The following ZNF512B variants were observed in gnomAD, a reference collection of about 807,000 sequenced individuals.
ZNF512B encodes zinc finger protein 512B.
Under a neutral mutation model 87.8 loss-of-function variants are expected in ZNF512B, and 22 were observed. The ratio of observed to expected loss-of-function variants is 0.25; its 90% CI spans 0.18 to 0.36. The LOEUF (loss-of-function observed/expected upper bound fraction) is 0.36, where lower values mean the gene tolerates loss of function less well. ZNF512B is among the 10% of genes least tolerant of loss of function. ZNF512B has a pLI of 1.00. For missense variants in ZNF512B, 1,060 were observed against 1,231.6 expected (o/e 0.86, Z 2.09); for synonymous variants, 524 against 490.9 (o/e 1.07, Z -0.89).
intron 2 of ZNF512B, 109 bp from the exon 3 acceptor site, chr20:63,967,632 G>A: frequency 6.7e-7 from 1 of 1,491,392 alleles, no homozygotes. Context: ...GGCACCGGGG[G>A]CAGGGGCTGC....
rs752349298 is a variant in ZNF512B, at chr20:63,964,571, T to C, written c.1180A>G (p.Arg394Gly). ...AGTGCCTCCATGCCCCCTGACGGCC[T>C]GCTGCCTGGCGACAAGGAGCCACTG... ...TSSGSLSPGSRPSGGMEALKA... is the reference protein window; with the variant it reads ...TSSGSLSPGSGPSGGMEALKA... The change falls in exon 6 of 17, where the codon AGG (arginine) becomes GGG (glycine). Residue 394 changes from arginine (R) to glycine (G), a missense_variant. Transcript: ENST00000369888. The C allele has an allele frequency of 6.2e-7, 1 of 1,613,160 alleles. No homozygotes were observed. Among genetic ancestry groups the C allele is most frequent in the Non-Finnish European group, 8.5e-7 (1 of 1,179,958 alleles).
chr20:63,963,197 G>A lies in ZNF512B; in HGVS notation c.1866C>T (p.Pro622=). ...GGAAGGAGGGGCTGTCCACCTCGCA[G>A]GGCGGCTTCCCGCAGCGCCGCTGGT... ...QYHQRRCGKP[P]CEVDSPSFPC... The change falls in exon 12 of 17, where the codon CCC becomes CCT. Residue 622 remains proline (P), a synonymous_variant. Coordinates refer to ENST00000369888, the MANE Select transcript of ZNF512B (RefSeq NM_020713.3). 1.3e-6 allele frequency: 2 copies of A among 1,547,482 alleles called. No individual in the cohort carries two copies. Among genetic ancestry groups the A allele is most frequent in the Non-Finnish European group, 1.7e-6 (2 of 1,150,784 alleles).
At chr20:63,962,844 C>T (rs117474325) in intron 12 of ZNF512B, 63 bp from the exon 13 acceptor site, 17 of 1,468,454 alleles carry the variant, frequency 1.2e-5, no homozygotes, top group South Asian at 2.7e-5. Context: ...GGTCAGCGCG[C>T]GGCGAGGCCA....
At chr20:63,963,534 A>G in intron 10 of ZNF512B, 84 bp downstream of exon 10, 1 of 1,595,550 alleles carries the variant, frequency 6.3e-7, no homozygotes, top group Non-Finnish European at 8.5e-7. Flanking sequence ...CCGTTGTCCG[A>G]GGTTAGAAAC....
At position 63,963,095 on chromosome 20, in the gene ZNF512B, G is replaced by T; in HGVS notation, c.1968C>A (p.Pro656=). The T allele has an allele frequency of 6.4e-7, 1 of 1,553,528 alleles. No individual in the cohort carries two copies. ...TGCCACAGAACAGAGAGCCACTCAC[G>T]GGGGCCGTGTGCTCCGAGCGCACGT... The part of the protein sequence containing the change: ...DYHVRSEHTA[P]PPEEPTDKSP... The change falls in exon 12 of 17, where the codon CCC becomes CCA. Residue 656 remains proline, a splice_region_variant and synonymous_variant. Transcript: ENST00000369888.
At position 63,962,724 on chromosome 20, in the gene ZNF512B, G is replaced by A. The variant is rs201890922; in HGVS notation, c.2026C>T (p.Arg676Trp). Residue 676 changes from arginine to tryptophan, a missense_variant, in exon 13 of 17, where the codon CGG (arginine) becomes TGG (tryptophan). Arg to Trp is a moderately radical substitution (Grantham distance 101, BLOSUM62 -3). Around this residue, in one of 9 missense-constraint regions of ZNF512B, gnomAD observed 165 missense variants for 173.0 expected, o/e 0.95. Transcript: ENST00000369888. ...CGGCGGACACGCCCGCTTGGGGTCC[G>A]CTCCACACCCAGCGGGTCCTCAGCC... Reference protein sequence around the residue: ...PEAEDPLGVERTPSGRVRRTS... With the variant: ...PEAEDPLGVEWTPSGRVRRTS... 34 of 1,602,678 alleles carry A rather than the reference G, an allele frequency of 2.1e-5. No homozygotes were observed. The highest frequency in any genetic ancestry group is 5.3e-5 in the African/African-American group (4 of 74,982).
In ZNF512B at chr20:63,957,316, C is replaced by A. The variant is rs2058750910; in HGVS notation, c.*2572G>T. 1 of 152,528 alleles carries A rather than the reference C, an allele frequency of 6.6e-6. No homozygotes were observed. Among genetic ancestry groups the A allele is most frequent in the South Asian group, 2.1e-4 (1 of 4,828 alleles). 9.4% of individuals were successfully genotyped at this position (152,528 alleles called of 1,614,324 possible). Reference sequence around the variant, plus strand: ...GCCAGAGGTAGATCTGCAGAAAGGGCCCCGACTGGGCCTCGGGCAGGGCCG... The same window carrying A: ...GCCAGAGGTAGATCTGCAGAAAGGGACCCGACTGGGCCTCGGGCAGGGCCG... On this transcript the variant is annotated 3_prime_UTR_variant, in exon 17 of 17. Coordinates refer to ENST00000369888, the MANE Select transcript of ZNF512B (RefSeq NM_020713.3).
intron 10 of ZNF512B, 35 bp from the exon 11 acceptor site, chr20:63,963,475 A>T: frequency 6.5e-7 from 1 of 1,545,790 alleles, no homozygotes; most frequent in Non-Finnish European, 8.7e-7. Flanking sequence ...ACCCGGCACC[A>T]TCGCCACGGA....
Position 63,959,867 on chromosome 20 carries a change from GCCAGGC to G in ZNF512B, c.*15_*20del. On this transcript the variant is annotated 3_prime_UTR_variant, in exon 17 of 17. Transcript: ENST00000369888. ...AGGGCGGTGTGGCGGCTGCATGGGG[GCCAGGC>G]CCCACGCACCATGCTCACTTTTCAG... 1 of 1,543,600 alleles carries G rather than the reference GCCAGGC, an allele frequency of 6.5e-7. No homozygotes were observed. The highest frequency in any genetic ancestry group is 8.7e-7 in the Non-Finnish European group (1 of 1,153,280).
intron 6 of ZNF512B, 26 bp downstream of exon 6, chr20:63,964,464 C>T (rs773151663): frequency 9.3e-6 from 15 of 1,613,180 alleles, no homozygotes; most frequent in Middle Eastern, 1.6e-4. Context: ...CTGCCCCGGC[C>T]GCCACCCCTG....
At chr20:63,964,460 C>G (rs768158630) in intron 6 of ZNF512B, 30 bp downstream of exon 6, 14 of 1,613,306 alleles carry the variant, frequency 8.7e-6, no homozygotes, top group Non-Finnish European at 1.1e-5. Context: ...GAGCCTGCCC[C>G]GGCCGCCACC....
At chr20:63,968,245 T>TACAGTGTACGCAGCTCC (rs2058947954) in intron 1 of ZNF512B, among the ~76,000 whole-genome samples, 1 of 152,214 alleles carries the variant, frequency 6.6e-6, no homozygotes, top group Non-Finnish European at 1.5e-5. Context: ...CACGCAGCTC[T>TACAGTGTACGCAGCTCC]ACAGTGTACG....
At position 63,966,761 on chromosome 20, in the gene ZNF512B, C is replaced by A. The variant is rs1272341324; in HGVS notation, c.414G>T (p.Leu138=). The change falls in exon 5 of 17, where the codon CTG becomes CTT. Residue 138 remains leucine (L), a synonymous_variant. Transcript: ENST00000369888. ...RCQGGAISDR[L]AFPCPFCEAA... ...CCTCGCAGAAGGGGCAGGGGAAGGCCAGGCGATCTGAGATGGCACCCTGGG... is the reference window on the plus strand; with the variant it reads ...CCTCGCAGAAGGGGCAGGGGAAGGCAAGGCGATCTGAGATGGCACCCTGGG... 6.3e-7 allele frequency: 1 copy of A among 1,597,878 alleles called. No individual in the cohort carries two copies. Among genetic ancestry groups the A allele is most frequent in the East Asian group, 2.2e-5 (1 of 44,732 alleles).
In ZNF512B at chr20:63,961,965, C is replaced by T; in HGVS notation, c.2305G>A (p.Ala769Thr). 3.2e-6 allele frequency: 5 copies of T among 1,551,096 alleles called. No individual in the cohort carries two copies. Among genetic ancestry groups the T allele is most frequent in the Non-Finnish European group, 3.5e-6 (4 of 1,146,930 alleles). ...ACCTTACTGCAGCTGGCGAGATGAG[C>T]CTTGAGTCCGGACACGCTGGAGTAG... ...AIYSSVSGLK[A>T]HLASCSKGAH... The change falls in exon 15 of 17, where the codon GCT (alanine) becomes ACT (threonine). Residue 769 changes from alanine to threonine, a missense_variant. Coordinates refer to ENST00000369888, the MANE Select transcript of ZNF512B (RefSeq NM_020713.3). This position sits in a 1 kb window ranked among gnomAD's most constrained non-coding sequence, Gnocchi z 6.4.
chr20:63,967,862 C>A lies in ZNF512B; in HGVS notation c.89G>T (p.Arg30Leu), dbSNP rs776410076. The A allele has an allele frequency of 6.2e-7, 1 of 1,613,434 alleles. No homozygotes were observed. The highest frequency in any genetic ancestry group is 8.5e-7 in the Non-Finnish European group (1 of 1,179,878). The change falls in exon 2 of 17, where the codon CGA becomes CTA. Residue 30 changes from arginine (R) to leucine (L), a missense_variant. Transcript: ENST00000369888. ...PGKDGSRKEV[R>L]LPMLHDPPKM... ...CGGTGGGTCATGCAGCATTGGAAGT[C>A]GGACCTCCTTTCGGCTGCCATCCTT... is the stretch of plus-strand genomic sequence containing the variant.
intron 1 of ZNF512B, chr20:63,969,264 T>C (rs900351668): frequency 6.8e-6 from 6 of 882,588 alleles, no homozygotes; most frequent in Non-Finnish European, 8.2e-6. Flanking sequence ...TTCAGAATAG[T>C]GGGGCCTGAG....
Position 63,966,885 on chromosome 20 carries a change from C to T in ZNF512B, c.384G>A (p.Arg128=), listed in dbSNP as rs148395779. The part of the protein sequence containing the change: ...SIYGLKYHYQ[R]CQGGAISDRL... ...ACCCACAGTCCCTTACCCCTTGGCA[C>T]CGCTGGTAATGGTACTTGAGCCCGT... Residue 128 remains arginine, a synonymous_variant, in exon 4 of 17, where the codon CGG becomes CGA. Transcript: ENST00000369888. The T allele has an allele frequency of 9.9e-6, 16 of 1,613,856 alleles. No individual in the cohort carries two copies. In the African/African-American group the frequency reaches 1.9e-4, roughly 19 times the overall value.
In ZNF512B at chr20:63,959,981, CG is replaced by C; in HGVS notation, c.2585del (p.Pro862ArgfsTer83). 1 of 1,612,694 alleles carries C rather than the reference CG, an allele frequency of 6.2e-7. No homozygotes were observed. On this transcript the variant is annotated frameshift_variant, in exon 17 of 17. Coordinates refer to ENST00000369888, the MANE Select transcript of ZNF512B (RefSeq NM_020713.3). LOFTEE classifies it high-confidence loss of function. ...ATCCTGGAGGCCAGTCGTCCCGGCG[CG>C]GGGGCAGCTTGGCCACAGGCTCCTC... The part of the protein sequence containing the change: ...TPEEPVAKLP[P>X]RRDDWPPGCR...
chr20:63,961,379 CA>C lies in ZNF512B; in HGVS notation c.2356del (p.Cys786ValfsTer19). Reference protein sequence around the residue: ...KGAHLAGKYRCLLCPKEFSSE... With the variant: ...KGAHLAGKYRXLLCPKEFSSE... ...ACTGAACTCCTTCGGACACAGCAGA[CA>C]GCGGTACTTCCCTGCCAGGTGGGCC... is the stretch of plus-strand genomic sequence containing the variant. On this transcript the variant is annotated frameshift_variant, in exon 16 of 17. Transcript: ENST00000369888. LOFTEE classifies it high-confidence loss of function. This position sits in a 1 kb window ranked among gnomAD's most constrained non-coding sequence, Gnocchi z 6.4. 1 of 1,612,616 alleles carries C rather than the reference CA, an allele frequency of 6.2e-7. No homozygotes were observed. Among genetic ancestry groups the C allele is most frequent in the Non-Finnish European group, 8.5e-7 (1 of 1,179,966 alleles).
Sources: gnomAD v4.1 joint callset for allele counts (sites outside exome capture counted in the v4.1 genomes callset) on GRCh38, gnomAD v4.1.1 for gene constraint, gnomAD v4.1.1 regional missense constraint, Gnocchi (gnomAD v3.1) non-coding constraint, MANE v1.5 for transcripts, NCBI Gene and HGNC (gene_info 2026-07-23, HGNC 2026-07-21) for gene names.